GLI2: variants seen among roughly 807,000 people sequenced by gnomAD.
GLI2 encodes GLI family zinc finger 2, also known as transcription activator GLI2.
In GLI2, 22 loss-of-function variants were observed where a neutral mutation model predicts 78.9. The ratio of observed to expected loss-of-function variants is 0.28; its 90% CI spans 0.20 to 0.40. The LOEUF is 0.40. GLI2 is among the 10% of genes least tolerant of loss of function. The pLI is 1.00. For missense variants in GLI2, 2,097 were observed against 2,213.2 expected, an observed-to-expected ratio of 0.95 and a Z score of 1.05; for synonymous variants, 974 against 963.7, an observed-to-expected ratio of 1.01 and a Z score of -0.20.
At chr2:120,891,620 G>T (rs1362957870) in intron 2 of GLI2, among the ~76,000 whole-genome samples, 1 of 152,166 alleles carries the variant, frequency 6.6e-6, no homozygotes, top group Non-Finnish European at 1.5e-5. Flanking sequence ...AAGGGAAGGG[G>T]GAGCAGCAAA....
At position 120,800,129 on chromosome 2, in the gene GLI2, G is replaced by C. The variant is rs79285340; in HGVS notation, c.148+2661G>C. Among the ~76,000 whole-genome samples the C allele has an allele frequency of 2.5e-3, 375 of 152,316 alleles. 6 individuals carry two copies. Among genetic ancestry groups the C allele is most frequent in the African/African-American group, 8.4e-3 (351 of 41,560 alleles). On this transcript the variant is annotated intron_variant, in intron 2 of 13. Transcript: ENST00000361492. The surrounding 1 kb of genome is among the most constrained non-coding windows in gnomAD (Gnocchi z 4.1). Reference sequence around the variant, plus strand: ...GCCATCAGGCACAGGGCTGGGTGTGGACAGTGGGTGAGGAGGGGCCGTGAG... The same window carrying C: ...GCCATCAGGCACAGGGCTGGGTGTGCACAGTGGGTGAGGAGGGGCCGTGAG...
intron 2 of GLI2, among the ~76,000 whole-genome samples, chr2:120,839,821 C>G (rs1686784258): frequency 6.6e-6 from 1 of 152,228 alleles, no homozygotes; most frequent in South Asian, 2.1e-4. Flanking sequence ...CCTTGGCCTC[C>G]CAAAGTGCTG....
chr2:120,832,407 C>T (rs1686407373), intron 2 of GLI2, among the ~76,000 whole-genome samples: 1 of 152,150 alleles, frequency 6.6e-6, no homozygotes, highest in African/African-American at 2.4e-5. Context: ...CAGGCTGACC[C>T]GGGCAGCAGG....
Position 120,737,112 on chromosome 2 carries a change from A to T in GLI2, c.-31+827A>T, listed in dbSNP as rs1466296632. Among the ~76,000 whole-genome samples the T allele has an allele frequency of 6.6e-6, 1 of 152,054 alleles. No homozygotes were observed. Among genetic ancestry groups the T allele is most frequent in the Non-Finnish European group, 1.5e-5 (1 of 68,006 alleles). ...CTGCAACTTGATCTGTATGTGATGG[A>T]TGGGGAGAGGCGCGGAGAGAGTTGG... On this transcript the variant is annotated intron_variant, in intron 1 of 13. Transcript: ENST00000361492. This position sits in a 1 kb window ranked among gnomAD's most constrained non-coding sequence, Gnocchi z 4.3.
At position 120,990,639 on chromosome 2, in the gene GLI2, C is replaced by T. The variant is rs769916555; in HGVS notation, c.4674C>T (p.Leu1558=). ...VGDMSSMLTS[L]AEESKFLNMM... is the part of the protein sequence containing the mutation. ...ACATGAGCTCCATGCTCACCAGCCT[C>T]GCCGAGGAGAGCAAGTTCCTGAACA... The change falls in exon 14 of 14, where the codon CTC becomes CTT. Residue 1558 remains leucine (L), a synonymous_variant. Transcript: ENST00000361492. 6.8e-6 allele frequency: 11 copies of T among 1,613,038 alleles called. No individual in the cohort carries two copies. The highest frequency in any genetic ancestry group is 8.5e-6 in the Non-Finnish European group (10 of 1,179,594).
chr2:120,951,527 A>C, intron 4 of GLI2, 82 bp downstream of exon 4: 1 of 839,536 alleles, frequency 1.2e-6, no homozygotes, highest in Non-Finnish European at 1.9e-6. Flanking sequence ...TAACACTGTC[A>C]ACTCCTCAGC....
At chr2:120,820,455 G>A (rs1332405574) in intron 2 of GLI2, among the ~76,000 whole-genome samples, 2 of 150,948 alleles carry the variant, frequency 1.3e-5, no homozygotes, top group Non-Finnish European at 2.9e-5. Context: ...TAACGTCAGA[G>A]GCTGATGCTG....
intron 2 of GLI2, among the ~76,000 whole-genome samples, chr2:120,908,062 C>T (rs1485051581): frequency 6.6e-6 from 1 of 152,206 alleles, no homozygotes; most frequent in Non-Finnish European, 1.5e-5. Flanking sequence ...AGGATGGCCT[C>T]ATGCCCACAT....
At position 120,883,638 on chromosome 2, in the gene GLI2, G is replaced by T. The variant is rs552326730; in HGVS notation, c.149-43723G>T. On this transcript the variant is annotated intron_variant, in intron 2 of 13. Coordinates refer to ENST00000361492, the MANE Select transcript of GLI2 (RefSeq NM_001374353.1). Reference sequence around the variant, plus strand: ...CAGTCTCATGAGGGTAGTTATTATTGTAATCCTGTTTAACAGATGAGGAAA... The same window carrying T: ...CAGTCTCATGAGGGTAGTTATTATTTTAATCCTGTTTAACAGATGAGGAAA... Among the ~76,000 whole-genome samples, 75 of 152,324 alleles carry T rather than the reference G, an allele frequency of 4.9e-4. 4 individuals carry two copies. In the South Asian group the frequency reaches 0.015, roughly 30 times the overall value.
intron 1 of GLI2, among the ~76,000 whole-genome samples, chr2:120,760,744 C>T (rs556070245): frequency 6.6e-6 from 1 of 152,310 alleles, no homozygotes; most frequent in East Asian, 1.9e-4. Context: ...TCTTTTTTCT[C>T]ATGCCCCTAA....
rs560867886 is a variant in GLI2, at chr2:120,795,276, C to G, written c.-30-2015C>G. Reference sequence around the variant, plus strand: ...TTGGCTCACGCCTGCAGTCCTAGCACTTTGGGAGGCCAAGGCAGGTGGATC... The same window carrying G: ...TTGGCTCACGCCTGCAGTCCTAGCAGTTTGGGAGGCCAAGGCAGGTGGATC... On this transcript the variant is annotated intron_variant, in intron 1 of 13. Coordinates refer to ENST00000361492, the MANE Select transcript of GLI2 (RefSeq NM_001374353.1). Among the ~76,000 whole-genome samples the G allele has an allele frequency of 2.8e-3, 418 of 151,866 alleles. 3 individuals are homozygous for G. Among genetic ancestry groups the G allele is most frequent in the African/African-American group, 9.4e-3 (390 of 41,358 alleles).
intron 2 of GLI2, among the ~76,000 whole-genome samples, chr2:120,837,393 CAAAAAAA>C (rs768947767): frequency 9.1e-5 from 7 of 77,032 alleles, no homozygotes; most frequent in Non-Finnish European, 1.1e-4. Flanking sequence ...GACTCCATCT[CAAAAAAA>C]AAAAAAAAAA....
intron 3 of GLI2, among the ~76,000 whole-genome samples, chr2:120,942,024 T>G (rs1301691426): frequency 6.6e-6 from 1 of 152,176 alleles, no homozygotes; most frequent in African/African-American, 2.4e-5. Flanking sequence ...AAAGGGAGCA[T>G]CTACTGGAAC....
chr2:120,762,794 G>T (rs1683252946), intron 1 of GLI2, among the ~76,000 whole-genome samples: 1 of 152,198 alleles, frequency 6.6e-6, no homozygotes, highest in South Asian at 2.1e-4. Context: ...TGGGGGCTTG[G>T]CTTCTTTCCC....
intron 2 of GLI2, among the ~76,000 whole-genome samples, chr2:120,852,793 T>A (rs1687473741): frequency 6.6e-6 from 1 of 152,118 alleles, no homozygotes; most frequent in African/African-American, 2.4e-5. Context: ...CCTTGGTAGG[T>A]CATCAGGACC....
intron 1 of GLI2, among the ~76,000 whole-genome samples, chr2:120,763,180 C>T (rs184814678): frequency 3.5e-4 from 53 of 152,294 alleles, no homozygotes; most frequent in Middle Eastern, 3.4e-3. Flanking sequence ...TCTTGTGCCT[C>T]CCTCTCCTCT....
At chr2:120,982,920 C>A (rs753895640) in intron 11 of GLI2, 40 bp downstream of exon 11, 3 of 1,594,132 alleles carry the variant, frequency 1.9e-6, no homozygotes, top group Non-Finnish European at 2.6e-6. Flanking sequence ...CACACTGGGG[C>A]CCCACTGACG....
chr2:120,903,355 C>CAA (rs35010304), intron 2 of GLI2, among the ~76,000 whole-genome samples: 5 of 147,956 alleles, frequency 3.4e-5, no homozygotes, highest in African/African-American at 1.2e-4. Context: ...GACTCCATCT[C>CAA]AAAAAAAAAA....
At chr2:120,881,349 G>A (rs1677107415) in intron 2 of GLI2, among the ~76,000 whole-genome samples, 1 of 151,636 alleles carries the variant, frequency 6.6e-6, no homozygotes, top group Non-Finnish European at 1.5e-5. Context: ...GGAGGAGGAT[G>A]GGTGGAGAAG....
Sources: gnomAD v4.1 joint callset for allele counts (sites outside exome capture counted in the v4.1 genomes callset) on GRCh38, gnomAD v4.1.1 for gene constraint, Gnocchi (gnomAD v3.1) non-coding constraint, MANE v1.5 for transcripts, NCBI Gene and HGNC (gene_info 2026-07-23, HGNC 2026-07-21) for gene names.